RUBCN: variants seen among roughly 807,000 people sequenced by gnomAD.
RUBCN encodes rubicon autophagy regulator.
A neutral mutation model predicts 113.2 loss-of-function variants in RUBCN; 74 were observed. That is an observed-to-expected ratio of 0.65 (90% CI 0.54 to 0.79). RUBCN has a LOEUF of 0.79. Ranked by LOEUF, RUBCN falls within the 30% of genes least tolerant of loss-of-function variation. The probability of loss-of-function intolerance (pLI) is 0.00; values close to 1 mark genes in which losing one functional copy is unlikely to be tolerated. For missense variants in RUBCN, 1,109 were observed against 1,251.7 expected (o/e 0.89, Z 1.72); for synonymous variants, 480 against 490.0 (o/e 0.98, Z 0.27).
chr3:197,719,702 T>TA (rs1339285879), intron 1 of RUBCN, among the ~76,000 whole-genome samples: 1 of 152,186 alleles, frequency 6.6e-6, no homozygotes, highest in African/African-American at 2.4e-5. Context: ...ATGTGGCTTT[T>TA]ATTCTAAGAT....
chr3:197,743,742 T>C (rs901106079), intron 1 of RUBCN, among the ~76,000 whole-genome samples: 7 of 152,210 alleles, frequency 4.6e-5, no homozygotes, highest in Admixed American at 4.6e-4. Context: ...TCCCAAAACT[T>C]TGGGAGGCCG....
Position 197,676,944 on chromosome 3 carries a change from G to C in RUBCN, c.2587C>G (p.Leu863Val). The C allele has an allele frequency of 6.2e-7, 1 of 1,614,228 alleles. No individual in the cohort carries two copies. The highest frequency in any genetic ancestry group is 8.5e-7 in the Non-Finnish European group (1 of 1,180,046). ...GTGAGCTCAGCAAGCCGGGGCCCCA[G>C]CTCCCCCTTCCTGGTCGCAGTCAGG... ...NDLTATRKGE[L>V]GPRLAELTRA... is the part of the protein sequence containing the mutation. Residue 863 changes from leucine to valine, a missense_variant, in exon 18 of 20, where the codon CTG becomes GTG. By Grantham distance (32) the Leu-to-Val change is conservative. Coordinates refer to ENST00000296343, the MANE Select transcript of RUBCN (RefSeq NM_014687.4).
intron 7 of RUBCN, among the ~76,000 whole-genome samples, chr3:197,697,885 C>T (rs181805889): frequency 6.6e-6 from 1 of 152,030 alleles, no homozygotes; most frequent in African/African-American, 2.4e-5. Context: ...TTGCTCCTCT[C>T]ACAAAAAATG....
In RUBCN at chr3:197,676,897, C is replaced by T. The variant is rs1378119564; in HGVS notation, c.2634G>A (p.Val878=). 1 of 1,614,226 alleles carries T rather than the reference C, an allele frequency of 6.2e-7. No individual in the cohort carries two copies. Among genetic ancestry groups the T allele is most frequent in the Non-Finnish European group, 8.5e-7 (1 of 1,180,048 alleles). Reference sequence around the variant, plus strand: ...GAGACTTTCTCACCATGCATCTCTCCACATGGGTAGCCCCTGCCCTGGTGA... The same window carrying T: ...GAGACTTTCTCACCATGCATCTCTCTACATGGGTAGCCCCTGCCCTGGTGA... ...AELTRAGATH[V]ERCMLCQAKG... The change falls in exon 18 of 20, where the codon GTG becomes GTA. Residue 878 remains valine (V), a synonymous_variant. Coordinates refer to ENST00000296343, the MANE Select transcript of RUBCN (RefSeq NM_014687.4).
At chr3:197,703,519 A>G (rs1246695706) in intron 5 of RUBCN, 29 bp downstream of exon 5, 4 of 1,483,406 alleles carry the variant, frequency 2.7e-6, no homozygotes, top group African/African-American at 1.4e-5. Context: ...GACCCAGCAT[A>G]GACGTGGATA....
chr3:197,735,948 T>C (rs1009981547), intron 1 of RUBCN, among the ~76,000 whole-genome samples: 2 of 152,174 alleles, frequency 1.3e-5, no homozygotes, highest in African/African-American at 2.4e-5. Flanking sequence ...CTTTCTGACA[T>C]GGTTCCATAT....
At chr3:197,680,180 C>T (rs1469289156) in intron 16 of RUBCN, among the ~76,000 whole-genome samples, 9 of 106,948 alleles carry the variant, frequency 8.4e-5, no homozygotes, top group East Asian at 3.1e-4. Context: ...ACAACTGGCT[C>T]CAGACTGTCC....
At chr3:197,692,309 C>T (rs982503975) in intron 11 of RUBCN, among the ~76,000 whole-genome samples, 7 of 152,030 alleles carry the variant, frequency 4.6e-5, no homozygotes, top group Admixed American at 3.9e-4. Flanking sequence ...AGTTCCTGTG[C>T]TCGTGATCTC....
At chr3:197,701,578 A>G (rs9857845) in intron 6 of RUBCN, 130 bp downstream of exon 6, 13,670 of 768,278 alleles carry the variant, frequency 0.018, 383 homozygotes, top group African/African-American at 0.072. Context: ...TATAACTTGT[A>G]AAGATGTCCC....
At chr3:197,686,651 A>G (rs182364518) in intron 11 of RUBCN, among the ~76,000 whole-genome samples, 1 of 152,342 alleles carries the variant, frequency 6.6e-6, no homozygotes, top group East Asian at 1.9e-4. Context: ...CTGAGGAGTG[A>G]AGAGAGGGGG....
At position 197,681,814 on chromosome 3, in the gene RUBCN, G is replaced by T; in HGVS notation, c.2191+21C>A. 4 of 1,610,046 alleles carry T rather than the reference G, an allele frequency of 2.5e-6. No individual in the cohort carries two copies. The highest frequency in any genetic ancestry group is 3.4e-6 in the Non-Finnish European group (4 of 1,176,344). The stretch of plus-strand genomic sequence containing the variant: ...GTACAGAGCCTCTGGAGGCAGCATG[G>T]TGGGAAGGGAAGGCACTCACCAGGG... On this transcript the variant is annotated intron_variant, in intron 15 of 19. Coordinates refer to ENST00000296343, the MANE Select transcript of RUBCN (RefSeq NM_014687.4). The surrounding 1 kb of genome is among the most constrained non-coding windows in gnomAD (Gnocchi z 5.5).
At chr3:197,706,983 G>A (rs1414503298) in intron 2 of RUBCN, among the ~76,000 whole-genome samples, 1 of 151,364 alleles carries the variant, frequency 6.6e-6, no homozygotes, top group Non-Finnish European at 1.5e-5. Flanking sequence ...TGGCCAGCCA[G>A]GGCTGGGCAG....
Position 197,672,711 on chromosome 3 carries a change from G to C in RUBCN, c.*2307C>G, listed in dbSNP as rs1317171567. The C allele has an allele frequency of 2.6e-5, 4 of 152,272 alleles. No individual in the cohort carries two copies. Among genetic ancestry groups the C allele is most frequent in the East Asian group, 1.9e-4 (1 of 5,194 alleles). 9.4% of individuals were successfully genotyped at this position (152,272 alleles called of 1,614,324 possible). On this transcript the variant is annotated 3_prime_UTR_variant, in exon 20 of 20. Coordinates refer to ENST00000296343, the MANE Select transcript of RUBCN (RefSeq NM_014687.4). The stretch of plus-strand genomic sequence containing the variant: ...TGGATGTGTCACCTTTTTGTTTTTT[G>C]AGACGGAGTCTCACTCTGTCACCCA...
chr3:197,669,151 C>T lies in RUBCN; in HGVS notation c.*5867G>A, dbSNP rs1471552298. 6.6e-6 allele frequency among the ~76,000 whole-genome samples: 1 copy of T among 152,230 alleles called. No homozygotes were observed. Among genetic ancestry groups the T allele is most frequent in the Non-Finnish European group, 1.5e-5 (1 of 68,052 alleles). ...TCACATAGCCCTCACCCGATTTCAG[C>T]TCTCCCTAATGTTACCATCTTACAT... On this transcript the variant is annotated 3_prime_UTR_variant, in exon 20 of 20. Coordinates refer to ENST00000296343, the MANE Select transcript of RUBCN (RefSeq NM_014687.4).
At chr3:197,748,339 A>G (rs957077774) in intron 1 of RUBCN, 3 of 152,192 alleles carry the variant, frequency 2.0e-5, no homozygotes, top group Non-Finnish European at 4.4e-5. Flanking sequence ...TCTCCTTGAC[A>G]TGCCAAATAT....
At chr3:197,717,584 C>A (rs538291522) in intron 2 of RUBCN, among the ~76,000 whole-genome samples, 2 of 152,154 alleles carry the variant, frequency 1.3e-5, no homozygotes, top group African/African-American at 4.8e-5. Flanking sequence ...CTCTGTGGAG[C>A]GTCCAGAGGG....
chr3:197,743,422 G>A (rs1010531121), intron 1 of RUBCN, among the ~76,000 whole-genome samples: 1 of 152,222 alleles, frequency 6.6e-6, no homozygotes, highest in Non-Finnish European at 1.5e-5. Flanking sequence ...CACATAGGAG[G>A]ACCTCGAACT....
rs373716937 is a variant in RUBCN at position 197,683,782 on chromosome 3, G to A, written c.1848-343C>T. On this transcript the variant is annotated intron_variant, in intron 12 of 19. Transcript: ENST00000296343. This position sits in a 1 kb window ranked among gnomAD's most constrained non-coding sequence, Gnocchi z 4.6. Reference sequence around the variant, plus strand: ...AAAATTGCTTTGTGGACTACAAAGCGATTTTTCCTCCCAAATGAGCTACTG... The same window carrying A: ...AAAATTGCTTTGTGGACTACAAAGCAATTTTTCCTCCCAAATGAGCTACTG... 6.6e-6 allele frequency among the ~76,000 whole-genome samples: 1 copy of A among 152,110 alleles called. No homozygotes were observed. Among genetic ancestry groups the A allele is most frequent in the Non-Finnish European group, 1.5e-5 (1 of 68,012 alleles).
rs1176309617 is a variant in RUBCN, at chr3:197,730,828, T to A, written c.65+5827A>T. On this transcript the variant is annotated intron_variant, in intron 1 of 19. Coordinates refer to ENST00000296343, the MANE Select transcript of RUBCN (RefSeq NM_014687.4). ...CATGCAAGCCCTGCATCAGCTTCTC[T>A]CCCAACACTCAGCTTTTCTCATTAA... Among the ~76,000 whole-genome samples the A allele has an allele frequency of 6.2e-5, 9 of 144,004 alleles. 1 individual carries two copies. Among genetic ancestry groups the A allele is most frequent in the African/African-American group, 2.0e-4 (8 of 39,456 alleles). 94.5% of individuals were successfully genotyped at this position (144,004 alleles called of 152,430 possible).
Sources: allele counts gnomAD v4.1 joint callset (sites outside exome capture counted in the v4.1 genomes callset), GRCh38; gene constraint gnomAD v4.1.1; non-coding constraint Gnocchi (gnomAD v3.1); transcripts MANE v1.5; gene names NCBI Gene and HGNC (gene_info 2026-07-23, HGNC 2026-07-21).